OSBPL3: variants seen among roughly 807,000 people sequenced by gnomAD.
OSBPL3 encodes the protein oxysterol binding protein like 3.
OSBPL3 carries 65 observed loss-of-function variants against 120.1 expected under a neutral mutation model. The ratio of observed to expected loss-of-function variants is 0.54; its 90% CI spans 0.44 to 0.67. The LOEUF (loss-of-function observed/expected upper bound fraction) is 0.67, where lower values mean the gene tolerates loss of function less well. Among genes scored for constraint, OSBPL3 ranks in the 30% least tolerant of loss-of-function variants. The pLI is 0.00. For missense variants in OSBPL3, 1,004 were observed against 1,082.1 expected (o/e 0.93, Z 1.01); for synonymous variants, 416 against 402.6 (o/e 1.03, Z -0.40).
In OSBPL3 at chr7:24,821,395, C is replaced by T. The variant is rs1348615078; in HGVS notation, c.1885-1157G>A. Among the ~76,000 whole-genome samples the T allele has an allele frequency of 1.3e-5, 2 of 152,160 alleles. No individual in the cohort carries two copies. Among genetic ancestry groups the T allele is most frequent in the Admixed American group, 6.5e-5 (1 of 15,270 alleles). On this transcript the variant is annotated intron_variant, in intron 16 of 22. Coordinates refer to ENST00000313367, the MANE Select transcript of OSBPL3 (RefSeq NM_015550.4). This position sits in a 1 kb window ranked among gnomAD's most constrained non-coding sequence, Gnocchi z 5.5. ...GTTTTCAGACCCGTCTTATCAAGAACCCAGAATACTGAGCCCTTGCTTGAG... is the reference window on the plus strand; with the variant it reads ...GTTTTCAGACCCGTCTTATCAAGAATCCAGAATACTGAGCCCTTGCTTGAG...
Position 24,852,664 on chromosome 7 carries a change from A to G in OSBPL3, c.1028-30T>C. ...AGAGATAGAATCATTATAAAAAGGAATAAGGAGGCATAATTAAAAACAAAA... is the reference window on the plus strand; with the variant it reads ...AGAGATAGAATCATTATAAAAAGGAGTAAGGAGGCATAATTAAAAACAAAA... On this transcript the variant is annotated intron_variant, in intron 10 of 22. Coordinates refer to ENST00000313367, the MANE Select transcript of OSBPL3 (RefSeq NM_015550.4). The surrounding 1 kb of genome is among the most constrained non-coding windows in gnomAD (Gnocchi z 4.1). 1 of 1,436,022 alleles carries G rather than the reference A, an allele frequency of 7.0e-7. No individual in the cohort carries two copies. The highest frequency in any genetic ancestry group is 9.4e-7 in the Non-Finnish European group (1 of 1,066,336). The allele number at this position is 1,436,022 out of a possible 1,614,324, so 89.0% of individuals were successfully genotyped here.
Position 24,863,282 on chromosome 7 carries a change from A to G in OSBPL3, c.788T>C (p.Phe263Ser), listed in dbSNP as rs1584420657. 2.5e-6 allele frequency: 4 copies of G among 1,613,732 alleles called. No homozygotes were observed. The African/African-American group carries it at 5.3e-5, about 22-fold the overall frequency. The change falls in exon 9 of 23, where the codon TTT becomes TCT. Residue 263 changes from phenylalanine (F) to serine (S), a missense_variant. Around this residue, in one of 4 missense-constraint regions of OSBPL3, gnomAD observed 272 missense variants for 248.8 expected, o/e 1.09. Transcript: ENST00000313367. This position sits in a 1 kb window ranked among gnomAD's most constrained non-coding sequence, Gnocchi z 5.8. Reference sequence around the variant, plus strand: ...TCTTTTTTCCTTTTTGGGACTTTCAAAAGATCCACCCTTTGTTTCAAAACA... The same window carrying G: ...TCTTTTTTCCTTTTTGGGACTTTCAGAAGATCCACCCTTTGTTTCAAAACA... ...PAINAIQGGS[F>S]ESPKKEKRSH...
rs1488221946 is a variant in OSBPL3 at position 24,900,452 on chromosome 7, AGTT to A, written c.-149-7834_-149-7832del. Among the ~76,000 whole-genome samples the A allele has an allele frequency of 2.6e-5, 4 of 152,224 alleles. No individual in the cohort carries two copies. The highest frequency in any genetic ancestry group is 7.2e-5 in the African/African-American group (3 of 41,442). On this transcript the variant is annotated intron_variant, in intron 1 of 22. Transcript: ENST00000313367. The surrounding 1 kb of genome is among the most constrained non-coding windows in gnomAD (Gnocchi z 4.5). ...TATATATCGTTTCACTTGAAGTCAC[AGTT>A]TCCAAGAACTTATCAATGAAGATAC...
chr7:24,823,091 C>T (rs1795305417), intron 16 of OSBPL3, among the ~76,000 whole-genome samples: 1 of 152,130 alleles, frequency 6.6e-6, no homozygotes, highest in Admixed American at 6.5e-5. Context: ...GCACTAGTGT[C>T]CGGGAACGAG....
Position 24,799,470 on chromosome 7 carries a change from T to C in OSBPL3, c.*713A>G, listed in dbSNP as rs949593050. The C allele has an allele frequency of 1.3e-5, 2 of 152,214 alleles. No homozygotes were observed. The highest frequency in any genetic ancestry group is 4.8e-5 in the African/African-American group (2 of 41,450). The allele number at this position is 152,214 out of a possible 1,614,324, so 9.4% of individuals were successfully genotyped here. A position where few individuals can be genotyped will look rare whatever the true frequency, so the allele number is the denominator to read the frequency against. On this transcript the variant is annotated 3_prime_UTR_variant, in exon 23 of 23. Coordinates refer to ENST00000313367, the MANE Select transcript of OSBPL3 (RefSeq NM_015550.4). The surrounding 1 kb of genome is among the most constrained non-coding windows in gnomAD (Gnocchi z 5.3). ...ATTGTGATATTTAATTAATTGGAAT[T>C]CTTTTCTCTTATGAATAATTTCTCT...
In OSBPL3 at chr7:24,878,893, T is replaced by G. The variant is rs1175511111; in HGVS notation, c.97-6824A>C. On this transcript the variant is annotated intron_variant, in intron 2 of 22. Transcript: ENST00000313367. ...GCACCTGCACAGATGAGGCTATCAC[T>G]GCTGCTGGACCATAAGCCCAACTTG... 2.0e-5 allele frequency among the ~76,000 whole-genome samples: 3 copies of G among 152,208 alleles called. No homozygotes were observed. In the East Asian group the frequency reaches 5.8e-4, roughly 29 times the overall value.
chr7:24,820,249 C>G lies in OSBPL3; in HGVS notation c.1885-11G>C. ...CGGATGGTGGCTGACCTGATGGAAA[C>G]AAAGGACAGAAAAACAAAAAATGAA... On this transcript the variant is annotated splice_polypyrimidine_tract_variant and intron_variant, in intron 16 of 22. Transcript: ENST00000313367. This position sits in a 1 kb window ranked among gnomAD's most constrained non-coding sequence, Gnocchi z 4.6. 4 of 1,607,272 alleles carry G rather than the reference C, an allele frequency of 2.5e-6. No individual in the cohort carries two copies. The highest frequency in any genetic ancestry group is 3.4e-6 in the Non-Finnish European group (4 of 1,175,340).
intron 12 of OSBPL3, among the ~76,000 whole-genome samples, chr7:24,848,737 G>C (rs1798741337): frequency 6.6e-6 from 1 of 151,986 alleles, no homozygotes; most frequent in South Asian, 2.1e-4. Flanking sequence ...TTCTTCAGTA[G>C]TAACAAGAGA....
At position 24,852,940 on chromosome 7, in the gene OSBPL3, A is replaced by G. The variant is rs780170259; in HGVS notation, c.1028-306T>C. On this transcript the variant is annotated intron_variant, in intron 10 of 22. Transcript: ENST00000313367. This position sits in a 1 kb window ranked among gnomAD's most constrained non-coding sequence, Gnocchi z 4.1. The stretch of plus-strand genomic sequence containing the variant: ...GCCTACATGGGAGCAGGGGGCTTAT[A>G]AAAGCTCTGCACTTTTGGTTCAATT... Among the ~76,000 whole-genome samples, 3 of 152,170 alleles carry G rather than the reference A, an allele frequency of 2.0e-5. No individual in the cohort carries two copies. Among genetic ancestry groups the G allele is most frequent in the African/African-American group, 4.8e-5 (2 of 41,442 alleles).
At chr7:24,810,899 G>T (rs991790904) in intron 19 of OSBPL3, among the ~76,000 whole-genome samples, 3 of 152,160 alleles carry the variant, frequency 2.0e-5, no homozygotes, top group African/African-American at 7.2e-5. Context: ...GTGTTAATAT[G>T]TACCACATTT....
At chr7:24,929,374 T>C (rs1811500281) in intron 1 of OSBPL3, among the ~76,000 whole-genome samples, 1 of 152,212 alleles carries the variant, frequency 6.6e-6, no homozygotes. Context: ...GTAAAGACCA[T>C]CTATCCCACC....
intron 1 of OSBPL3, among the ~76,000 whole-genome samples, chr7:24,951,368 T>C (rs1193456268): frequency 6.6e-6 from 1 of 152,226 alleles, no homozygotes; most frequent in Non-Finnish European, 1.5e-5. Context: ...AGAATTTATA[T>C]GTAACTTCAT....
chr7:24,927,417 A>T (rs1811198246), intron 1 of OSBPL3, among the ~76,000 whole-genome samples: 1 of 152,190 alleles, frequency 6.6e-6, no homozygotes, highest in African/African-American at 2.4e-5. Flanking sequence ...AATCCTCTAA[A>T]CTTCCTCCTA....
intron 20 of OSBPL3, among the ~76,000 whole-genome samples, chr7:24,807,722 C>G (rs1793242215): frequency 6.6e-6 from 1 of 151,788 alleles, no homozygotes; most frequent in Non-Finnish European, 1.5e-5. Flanking sequence ...TCTTGCCTCT[C>G]CTCAATCTTA....
chr7:24,928,344 A>G (rs1190042160), intron 1 of OSBPL3, among the ~76,000 whole-genome samples: 1 of 151,968 alleles, frequency 6.6e-6, no homozygotes, highest in Non-Finnish European at 1.5e-5. Flanking sequence ...GGCGCCCGCC[A>G]CCACACCCGG....
rs775025086 is a variant in OSBPL3, at chr7:24,865,509, C to G, written c.550-44G>C. On this transcript the variant is annotated intron_variant, in intron 6 of 22. Transcript: ENST00000313367. The stretch of plus-strand genomic sequence containing the variant: ...AAGCACATTGTAAATGGAAACAGAG[C>G]CCATTGGGGACATGTTAAGACAAAG... The G allele has an allele frequency of 5.6e-6, 9 of 1,598,752 alleles. No individual in the cohort carries two copies. The South Asian group carries it at 8.9e-5, about 16-fold the overall frequency.
Position 24,887,377 on chromosome 7 carries a change from G to A in OSBPL3, c.96+5000C>T, listed in dbSNP as rs567296827. ...CTTCAAAAAGAACCAATTCTGTAGA[G>A]TGTCACGGTTTTTGAAACAAGGTCA... On this transcript the variant is annotated intron_variant, in intron 2 of 22. Coordinates refer to ENST00000313367, the MANE Select transcript of OSBPL3 (RefSeq NM_015550.4). Among the ~76,000 whole-genome samples the A allele has an allele frequency of 1.0e-3, 152 of 152,338 alleles. 1 individual carries two copies. Among genetic ancestry groups the A allele is most frequent in the Admixed American group, 4.4e-3 (67 of 15,302 alleles).
chr7:24,892,292 C>T (rs936158599), intron 2 of OSBPL3, 85 bp downstream of exon 2: 8 of 1,371,608 alleles, frequency 5.8e-6, no homozygotes, highest in Non-Finnish European at 7.1e-6. Flanking sequence ...GAGAAGTAGG[C>T]TTTCCCAAGT....
chr7:24,914,805 A>G (rs972955703), intron 1 of OSBPL3, among the ~76,000 whole-genome samples: 1 of 152,214 alleles, frequency 6.6e-6, no homozygotes, highest in East Asian at 1.9e-4. Context: ...AAAAAGCCCA[A>G]TGTAAACTTA....
Sources: gnomAD v4.1 joint callset for allele counts (sites outside exome capture counted in the v4.1 genomes callset) on GRCh38, gnomAD v4.1.1 for gene constraint, gnomAD v4.1.1 regional missense constraint, Gnocchi (gnomAD v3.1) non-coding constraint, MANE v1.5 for transcripts, NCBI Gene and HGNC (gene_info 2026-07-23, HGNC 2026-07-21) for gene names.